PDZD2: variants seen among roughly 807,000 people sequenced by gnomAD.
PDZD2 encodes the protein PDZ domain-containing protein 2.
In PDZD2, 90 loss-of-function variants were observed where a neutral mutation model predicts 220.7. The ratio of observed to expected loss-of-function variants is 0.41; its 90% CI spans 0.34 to 0.49. The LOEUF (loss-of-function observed/expected upper bound fraction) is 0.49. Ranked by LOEUF, PDZD2 falls within the 20% of genes least tolerant of loss-of-function variation. PDZD2 has a pLI of 0.28. For missense variants in PDZD2, 3,174 were observed against 3,608.5 expected (o/e 0.88, Z 3.08); for synonymous variants, 1,375 against 1,450.5 (o/e 0.95, Z 1.18).
intron 2 of PDZD2, among the ~76,000 whole-genome samples, chr5:31,817,817 C>T (rs1057067869): frequency 8.6e-5 from 13 of 152,028 alleles, no homozygotes; most frequent in East Asian, 1.9e-4. Flanking sequence ...GCACACACCA[C>T]CAAGTCTGGC....
chr5:31,659,160 A>G (rs1245011683), intron 1 of PDZD2, among the ~76,000 whole-genome samples: 13 of 151,984 alleles, frequency 8.6e-5, no homozygotes, highest in Admixed American at 8.5e-4. Flanking sequence ...AATAATACTT[A>G]ATCTCAGTCT....
chr5:31,716,487 G>A (rs1748451623), intron 1 of PDZD2, among the ~76,000 whole-genome samples: 1 of 152,168 alleles, frequency 6.6e-6, no homozygotes, highest in African/African-American at 2.4e-5. Flanking sequence ...GGGCAAGGCA[G>A]GGTAAGCAGG....
chr5:31,678,818 G>A lies in PDZD2; in HGVS notation c.-361+39381G>A, dbSNP rs10056311. Among the ~76,000 whole-genome samples the A allele has an allele frequency of 6.5e-3, 983 of 152,174 alleles. 10 individuals carry two copies. Among genetic ancestry groups the A allele is most frequent in the African/African-American group, 0.023 (949 of 41,504 alleles). ...GACAGGATTTCACTATGTTGGCCAG[G>A]CTGGTCTTGAACTCCTAGCCTCAAG... On this transcript the variant is annotated intron_variant, in intron 1 of 24. Coordinates refer to ENST00000438447, the MANE Select transcript of PDZD2 (RefSeq NM_178140.4).
chr5:32,014,322 G>A (rs1753560720), intron 6 of PDZD2, among the ~76,000 whole-genome samples: 1 of 152,150 alleles, frequency 6.6e-6, no homozygotes, highest in Admixed American at 6.5e-5. Flanking sequence ...GTCCCCTTAT[G>A]ATTTATTTTT....
intron 2 of PDZD2, among the ~76,000 whole-genome samples, chr5:31,837,052 G>T (rs1489865449): frequency 1.8e-5 from 2 of 113,808 alleles, no homozygotes; most frequent in Admixed American, 1.7e-4. Flanking sequence ...AAGAAAGAAA[G>T]AAATTAAAAA....
intron 2 of PDZD2, among the ~76,000 whole-genome samples, chr5:31,917,469 A>G (rs948963872): frequency 2.6e-5 from 4 of 152,228 alleles, no homozygotes. Flanking sequence ...TTGAGGCTGC[A>G]GTGAGCCATG....
chr5:31,832,715 C>T (rs551929438), intron 2 of PDZD2, among the ~76,000 whole-genome samples: 2 of 152,132 alleles, frequency 1.3e-5, no homozygotes, highest in African/African-American at 4.8e-5. Flanking sequence ...ACTCAGGAGG[C>T]TGAGGCAGGA....
intron 1 of PDZD2, chr5:31,657,167 G>A (rs943228371): frequency 2.0e-5 from 3 of 152,222 alleles, no homozygotes; most frequent in African/African-American, 4.8e-5. Flanking sequence ...AAGGGGATAA[G>A]GTTACTAGAC....
chr5:31,708,289 G>T (rs1181389983), intron 1 of PDZD2, among the ~76,000 whole-genome samples: 1 of 152,204 alleles, frequency 6.6e-6, no homozygotes, highest in African/African-American at 2.4e-5. Context: ...ATGGTGGGGG[G>T]ACAGCAGTGG....
At chr5:31,721,561 A>C (rs1748797003) in intron 1 of PDZD2, among the ~76,000 whole-genome samples, 1 of 150,058 alleles carries the variant, frequency 6.7e-6, no homozygotes, top group Non-Finnish European at 1.5e-5. Flanking sequence ...GGAAACTAAT[A>C]AGGAAAGGAA....
At chr5:31,731,526 T>C (rs1298524714) in intron 1 of PDZD2, among the ~76,000 whole-genome samples, 2 of 152,198 alleles carry the variant, frequency 1.3e-5, no homozygotes, top group Non-Finnish European at 2.9e-5. Context: ...ACCCTGTGTC[T>C]ATGGATATAA....
At chr5:31,832,203 G>T (rs537954736) in intron 2 of PDZD2, among the ~76,000 whole-genome samples, 4 of 152,132 alleles carry the variant, frequency 2.6e-5, no homozygotes, top group South Asian at 4.1e-4. Flanking sequence ...TTTATGTAAG[G>T]GTCCTAGAAT....
chr5:31,693,240 CTTT>C (rs10650316), intron 1 of PDZD2, among the ~76,000 whole-genome samples: 1,495 of 87,738 alleles, frequency 0.017, 47 homozygotes, highest in African/African-American at 0.062. Context: ...TGGGAAAGCA[CTTT>C]TTTTTTTTTT....
intron 2 of PDZD2, among the ~76,000 whole-genome samples, chr5:31,982,690 G>A (rs1436847414): frequency 6.6e-6 from 1 of 152,156 alleles, no homozygotes; most frequent in East Asian, 1.9e-4. Flanking sequence ...TTGATTATTT[G>A]CTCCTAAGAG....
At chr5:31,814,747 G>A (rs969261299) in intron 2 of PDZD2, among the ~76,000 whole-genome samples, 1 of 152,018 alleles carries the variant, frequency 6.6e-6, no homozygotes, top group African/African-American at 2.4e-5. Context: ...GAACCTGGGA[G>A]TCAGAGGTTG....
intron 1 of PDZD2, among the ~76,000 whole-genome samples, chr5:31,764,938 G>A (rs949177334): frequency 6.6e-6 from 1 of 152,298 alleles, no homozygotes; most frequent in African/African-American, 2.4e-5. Context: ...CTCTCTGGGC[G>A]TGGTGGTACA....
Position 31,678,655 on chromosome 5 carries a change from G to A in PDZD2, c.-361+39218G>A, listed in dbSNP as rs184503586. Among the ~76,000 whole-genome samples the A allele has an allele frequency of 3.9e-5, 6 of 152,224 alleles. No individual in the cohort carries two copies. In the South Asian group the frequency reaches 8.3e-4, roughly 21 times the overall value. ...TTATGAGACAGGGTTTCTCTCTGTC[G>A]CCCAGGTTGGAGTACAGTGGCACAA... On this transcript the variant is annotated intron_variant, in intron 1 of 24. Transcript: ENST00000438447.
chr5:31,672,942 T>A (rs1187268221), intron 1 of PDZD2, among the ~76,000 whole-genome samples: 4 of 152,250 alleles, frequency 2.6e-5, no homozygotes, highest in Non-Finnish European at 5.9e-5. Flanking sequence ...TGCTGTCACT[T>A]TGCCCATTGT....
At chr5:31,658,631 T>G (rs1033681696) in intron 1 of PDZD2, among the ~76,000 whole-genome samples, 4 of 152,096 alleles carry the variant, frequency 2.6e-5, no homozygotes, top group Admixed American at 2.6e-4. Flanking sequence ...CACTTTTTTT[T>G]TTTTTTGAGA....
Sources: gnomAD v4.1 joint callset for allele counts (sites outside exome capture counted in the v4.1 genomes callset) on GRCh38, gnomAD v4.1.1 for gene constraint, MANE v1.5 for transcripts, NCBI Gene and HGNC (gene_info 2026-07-23, HGNC 2026-07-21) for gene names.